Variants in DACH1 observed in about 807,000 individuals in gnomAD.
DACH1 encodes dachshund homolog 1.
Under a neutral mutation model 54.2 loss-of-function variants are expected in DACH1, and 12 were observed. The ratio of observed to expected loss-of-function variants is 0.22; its 90% CI spans 0.14 to 0.36. The LOEUF (loss-of-function observed/expected upper bound fraction) is 0.36, where lower values mean the gene tolerates loss of function less well. DACH1 is among the 10% of genes least tolerant of loss of function. The pLI is 1.00. For missense variants in DACH1, 805 were observed against 929.8 expected (o/e 0.87, Z 1.75); for synonymous variants, 386 against 366.2 (o/e 1.05, Z -0.62).
intron 1 of DACH1, among the ~76,000 whole-genome samples, chr13:71,774,946 G>A (rs376714336): frequency 1.3e-5 from 2 of 151,682 alleles, no homozygotes; most frequent in African/African-American, 2.4e-5. Flanking sequence ...ATGTGAAATC[G>A]GTGCCATCTT....
At chr13:71,484,702 C>G (rs563081837) in intron 7 of DACH1, among the ~76,000 whole-genome samples, 2 of 152,044 alleles carry the variant, frequency 1.3e-5, no homozygotes, top group African/African-American at 2.4e-5. Flanking sequence ...CTTTTTAAAG[C>G]CTTTTTGTAA....
At chr13:71,619,114 GTA>G (rs974548009) in intron 3 of DACH1, among the ~76,000 whole-genome samples, 2 of 149,924 alleles carry the variant, frequency 1.3e-5, no homozygotes, top group Non-Finnish European at 1.5e-5. Flanking sequence ...ATATATGTGT[GTA>G]TATATATATA....
In DACH1 at chr13:71,771,808, T is replaced by G. The variant is rs534770404; in HGVS notation, c.849-89898A>C. ...CATACACACACACTCTTTATCTCACTAAGAAAAGGTAAATATTACTGTATA... is the reference window on the plus strand; with the variant it reads ...CATACACACACACTCTTTATCTCACGAAGAAAAGGTAAATATTACTGTATA... On this transcript the variant is annotated intron_variant, in intron 1 of 10. Coordinates refer to ENST00000613252, the MANE Select transcript of DACH1 (RefSeq NM_080759.6). 1.3e-4 allele frequency among the ~76,000 whole-genome samples: 19 copies of G among 150,502 alleles called. No homozygotes were observed. The South Asian group carries it at 2.5e-3, about 20-fold the overall frequency.
intron 5 of DACH1, among the ~76,000 whole-genome samples, chr13:71,558,604 T>A (rs1281399737): frequency 3.3e-5 from 5 of 152,018 alleles, no homozygotes; most frequent in African/African-American, 1.2e-4. Flanking sequence ...TCATTAAATT[T>A]CTGATTCTAG....
chr13:71,512,634 A>G (rs1403457957), intron 6 of DACH1, among the ~76,000 whole-genome samples: 1 of 151,968 alleles, frequency 6.6e-6, no homozygotes, highest in African/African-American at 2.4e-5. Flanking sequence ...AAAGTGTTCA[A>G]TATAGTGTTG....
chr13:71,626,443 C>T (rs926098297), intron 3 of DACH1, among the ~76,000 whole-genome samples: 29 of 151,816 alleles, frequency 1.9e-4, no homozygotes, highest in Non-Finnish European at 8.8e-5. Context: ...TTTTAAATTC[C>T]GCCTTTGCAT....
At chr13:71,724,167 T>C (rs1883366153) in intron 1 of DACH1, among the ~76,000 whole-genome samples, 1 of 152,144 alleles carries the variant, frequency 6.6e-6, no homozygotes, top group Non-Finnish European at 1.5e-5. Context: ...TTGTTTGTTT[T>C]CAAAATAAAG....
At chr13:71,767,916 G>A (rs761179310) in intron 1 of DACH1, among the ~76,000 whole-genome samples, 17 of 152,030 alleles carry the variant, frequency 1.1e-4, no homozygotes, top group Middle Eastern at 3.4e-3. Flanking sequence ...AATATTATAA[G>A]TAGCAATGAA....
intron 1 of DACH1, among the ~76,000 whole-genome samples, chr13:71,774,845 T>C (rs922636459): frequency 6.6e-6 from 1 of 152,120 alleles, no homozygotes; most frequent in African/African-American, 2.4e-5. Flanking sequence ...TCATTTTCTA[T>C]GAAACTAAAT....
At chr13:71,543,128 C>G (rs896108950) in intron 6 of DACH1, among the ~76,000 whole-genome samples, 22 of 152,136 alleles carry the variant, frequency 1.4e-4, no homozygotes, top group African/African-American at 4.6e-4. Context: ...CAGGAAACAA[C>G]AAGGTCTGTG....
intron 1 of DACH1, among the ~76,000 whole-genome samples, chr13:71,865,687 A>G (rs773556957): frequency 1.4e-4 from 21 of 152,214 alleles, no homozygotes; most frequent in Non-Finnish European, 2.6e-4. Flanking sequence ...CCCGGGACCC[A>G]GAGGGCAAGG....
At chr13:71,766,133 G>T (rs1487879498) in intron 1 of DACH1, among the ~76,000 whole-genome samples, 1 of 152,002 alleles carries the variant, frequency 6.6e-6, no homozygotes, top group Non-Finnish European at 1.5e-5. Context: ...TGATCCGTCC[G>T]CCTCGGCCTC....
chr13:71,528,762 C>T (rs1882196035), intron 6 of DACH1, among the ~76,000 whole-genome samples: 1 of 151,912 alleles, frequency 6.6e-6, no homozygotes. Context: ...CAGAACCTCA[C>T]CTGGAAACTA....
At chr13:71,588,323 C>T (rs982389681) in intron 3 of DACH1, among the ~76,000 whole-genome samples, 1 of 152,000 alleles carries the variant, frequency 6.6e-6, no homozygotes, top group African/African-American at 2.4e-5. Context: ...CTAAAAAGTC[C>T]AGGAATTCTG....
chr13:71,654,684 A>G (rs1360650468), intron 2 of DACH1, among the ~76,000 whole-genome samples: 1 of 152,062 alleles, frequency 6.6e-6, no homozygotes. Flanking sequence ...TTGAGTTTTC[A>G]TAAGCATTAC....
At chr13:71,560,831 C>A (rs972712828) in intron 4 of DACH1, among the ~76,000 whole-genome samples, 1 of 152,076 alleles carries the variant, frequency 6.6e-6, no homozygotes, top group African/African-American at 2.4e-5. Flanking sequence ...AATATTTATA[C>A]CCTCAGTTAT....
chr13:71,827,743 T>G (rs150703039), intron 1 of DACH1, among the ~76,000 whole-genome samples: 115 of 152,194 alleles, frequency 7.6e-4, no homozygotes, highest in African/African-American at 2.6e-3. Context: ...GCATGCCAGT[T>G]GAAGAAGTGA....
At chr13:71,654,368 C>T (rs1038267059) in intron 2 of DACH1, among the ~76,000 whole-genome samples, 148 of 143,700 alleles carry the variant, frequency 1.0e-3, no homozygotes, top group East Asian at 4.1e-4. Context: ...CCAGCCTGGG[C>T]GACAGAGTGA....
intron 3 of DACH1, among the ~76,000 whole-genome samples, chr13:71,585,875 T>C (rs1593938952): frequency 6.6e-6 from 1 of 152,258 alleles, no homozygotes; most frequent in Non-Finnish European, 1.5e-5. Flanking sequence ...CTGAATCTCA[T>C]ATTTCATGCC....
Sources: allele counts gnomAD v4.1 joint callset (sites outside exome capture counted in the v4.1 genomes callset), GRCh38; gene constraint gnomAD v4.1.1; transcripts MANE v1.5; gene names NCBI Gene and HGNC (gene_info 2026-07-23, HGNC 2026-07-21).